RAP1GAP2: variants seen among roughly 807,000 people sequenced by gnomAD.
The protein encoded by RAP1GAP2 is rap1 GTPase-activating protein 2.
RAP1GAP2 carries 27 observed loss-of-function variants against 95.0 expected under a neutral mutation model. The observed-to-expected ratio is 0.28, with a 90% CI of 0.21 to 0.39. The LOEUF is 0.39. Ranked by LOEUF, RAP1GAP2 falls within the 10% of genes least tolerant of loss-of-function variation. The probability of loss-of-function intolerance (pLI) is 1.00; values close to 1 mark genes in which losing one functional copy is unlikely to be tolerated. For missense variants in RAP1GAP2, 771 were observed against 970.0 expected (o/e 0.79, Z 2.72); for synonymous variants, 373 against 380.9 (o/e 0.98, Z 0.24).
At chr17:2,765,607 G>T (rs1330668239) in intron 1 of RAP1GAP2, among the ~76,000 whole-genome samples, 1 of 152,066 alleles carries the variant, frequency 6.6e-6, no homozygotes, top group Admixed American at 6.6e-5. Context: ...GCCGGGCATG[G>T]TGGTGGGCGC....
chr17:2,812,767 A>T (rs564648220), intron 2 of RAP1GAP2, among the ~76,000 whole-genome samples: 83 of 152,154 alleles, frequency 5.5e-4, no homozygotes, highest in African/African-American at 2.0e-3. Context: ...AGGTGGGTGG[A>T]TCACCTGAGG....
At chr17:2,884,365 T>C (rs764670565) in intron 2 of RAP1GAP2, among the ~76,000 whole-genome samples, 1 of 145,918 alleles carries the variant, frequency 6.9e-6, no homozygotes, top group Non-Finnish European at 1.5e-5. Flanking sequence ...GTCAGAGTTC[T>C]TGAGTTGTTT....
At chr17:2,876,447 A>G (rs1488854411) in intron 2 of RAP1GAP2, among the ~76,000 whole-genome samples, 1 of 152,154 alleles carries the variant, frequency 6.6e-6, no homozygotes, top group Non-Finnish European at 1.5e-5. Context: ...CTGGAAGGTT[A>G]GGACAACCAG....
intron 2 of RAP1GAP2, among the ~76,000 whole-genome samples, chr17:2,810,025 TC>T (rs1567668262): frequency 1.7e-5 from 1 of 59,514 alleles, no homozygotes; most frequent in Non-Finnish European, 3.5e-5. Context: ...GACCCTCCCC[TC>T]CCCCCGCCCC....
intron 3 of RAP1GAP2, among the ~76,000 whole-genome samples, chr17:2,921,581 G>A (rs1567780580): frequency 6.6e-6 from 1 of 152,080 alleles, no homozygotes; most frequent in Non-Finnish European, 1.5e-5. Flanking sequence ...GTGTCCGCAG[G>A]GCCTTTAAGG....
At position 2,935,201 on chromosome 17, in the gene RAP1GAP2, A is replaced by C. The variant is rs182525704; in HGVS notation, c.166-22558A>C. On this transcript the variant is annotated intron_variant, in intron 3 of 24. Coordinates refer to ENST00000254695, the MANE Select transcript of RAP1GAP2 (RefSeq NM_015085.5). The stretch of plus-strand genomic sequence containing the variant: ...AGTGCTTGCCTCACAGGTAGGCGTG[A>C]GGATCAGATAAAAGAACATATTCAG... Among the ~76,000 whole-genome samples the C allele has an allele frequency of 9.8e-4, 149 of 152,226 alleles. 1 individual carries two copies. The highest frequency in any genetic ancestry group is 3.2e-3 in the African/African-American group (131 of 41,530).
intron 10 of RAP1GAP2, among the ~76,000 whole-genome samples, chr17:2,983,188 T>G (rs2151543262): frequency 6.6e-6 from 1 of 151,928 alleles, no homozygotes; most frequent in South Asian, 2.1e-4. Context: ...GGTTTGTTCT[T>G]CCTCTCGCAT....
At chr17:2,946,342 T>C (rs1001435483) in intron 3 of RAP1GAP2, among the ~76,000 whole-genome samples, 3 of 152,162 alleles carry the variant, frequency 2.0e-5, no homozygotes, top group South Asian at 4.1e-4. Flanking sequence ...TGAGAAGGAC[T>C]GGTGTGAATT....
rs1436892890 is a variant in RAP1GAP2, at chr17:2,933,904, C to T, written c.166-23855C>T. 4.6e-5 allele frequency among the ~76,000 whole-genome samples: 7 copies of T among 152,360 alleles called. No homozygotes were observed. In the East Asian group the frequency reaches 7.7e-4, roughly 17 times the overall value. ...AAAGCCTGCCTTGGAGAGTCTGTGGCGTAGGAACCTTACGCCTTAACCAGC... is the reference window on the plus strand; with the variant it reads ...AAAGCCTGCCTTGGAGAGTCTGTGGTGTAGGAACCTTACGCCTTAACCAGC... On this transcript the variant is annotated intron_variant, in intron 3 of 24. Transcript: ENST00000254695.
chr17:2,820,450 G>T (rs1267205581), intron 2 of RAP1GAP2, among the ~76,000 whole-genome samples: 1 of 151,928 alleles, frequency 6.6e-6, no homozygotes, highest in East Asian at 2.0e-4. Flanking sequence ...GCAAAACCCC[G>T]TCTCTACTAA....
intron 1 of RAP1GAP2, among the ~76,000 whole-genome samples, chr17:2,783,903 G>T (rs983536670): frequency 2.0e-5 from 3 of 152,238 alleles, no homozygotes; most frequent in African/African-American, 7.2e-5. Context: ...CTTCCTCCCA[G>T]CATGGTGGCT....
At chr17:2,990,557 A>G (rs1226802593) in intron 11 of RAP1GAP2, among the ~76,000 whole-genome samples, 1 of 152,130 alleles carries the variant, frequency 6.6e-6, no homozygotes, top group Non-Finnish European at 1.5e-5. Context: ...GCCGGATCAT[A>G]TGGTGACTCT....
At chr17:2,879,843 T>C (rs570888150) in intron 2 of RAP1GAP2, among the ~76,000 whole-genome samples, 1 of 152,244 alleles carries the variant, frequency 6.6e-6, no homozygotes, top group Non-Finnish European at 1.5e-5. Context: ...TGTCCATTAC[T>C]TTTTTCCTCC....
At chr17:2,844,994 C>T (rs1034850632) in intron 2 of RAP1GAP2, among the ~76,000 whole-genome samples, 2 of 152,122 alleles carry the variant, frequency 1.3e-5, no homozygotes, top group African/African-American at 4.8e-5. Flanking sequence ...CGGGGTGGTC[C>T]CCAGGAGGTT....
At chr17:2,984,081 T>C (rs2045467082) in intron 10 of RAP1GAP2, among the ~76,000 whole-genome samples, 1 of 152,244 alleles carries the variant, frequency 6.6e-6, no homozygotes, top group Non-Finnish European at 1.5e-5. Context: ...CTGGGCGTGG[T>C]AGCTCATGCC....
chr17:3,028,157 G>A (rs893861080), intron 22 of RAP1GAP2, among the ~76,000 whole-genome samples: 4 of 152,052 alleles, frequency 2.6e-5, no homozygotes, highest in South Asian at 4.2e-4. Context: ...GGGAAGAGTC[G>A]TGTCTGCCTC....
chr17:2,963,271 A>T lies in RAP1GAP2; in HGVS notation c.247-159A>T. ...GTCAGTTTGGAGAAGAACATGGGGG[A>T]TGTTAGATTCCAGAGCTGATTCTGA... On this transcript the variant is annotated intron_variant, in intron 5 of 24. Transcript: ENST00000254695. This position sits in a 1 kb window ranked among gnomAD's most constrained non-coding sequence, Gnocchi z 4.8. The T allele has an allele frequency of 1.2e-6, 1 of 800,150 alleles. No individual in the cohort carries two copies. Among genetic ancestry groups the T allele is most frequent in the Non-Finnish European group, 2.1e-6 (1 of 467,244 alleles). 49.6% of individuals were successfully genotyped at this position (800,150 alleles called of 1,614,324 possible).
In RAP1GAP2 at chr17:3,030,953, C is replaced by T. The variant is rs773575220; in HGVS notation, c.2139C>T (p.Asn713=). The T allele has an allele frequency of 6.2e-6, 10 of 1,611,408 alleles. No homozygotes were observed. Among genetic ancestry groups the T allele is most frequent in the Non-Finnish European group, 8.5e-6 (10 of 1,178,934 alleles). ...DAKSRNSPRS[N]LKFRFDKLSH... Reference sequence around the variant, plus strand: ...AAAGCAGAAACTCCCCGAGATCGAACCTGAAATTCCGCTTTGACAAGCTCA... The same window carrying T: ...AAAGCAGAAACTCCCCGAGATCGAATCTGAAATTCCGCTTTGACAAGCTCA... The change falls in exon 23 of 25, where the codon AAC becomes AAT. Residue 713 remains asparagine (N), a synonymous_variant. Coordinates refer to ENST00000254695, the MANE Select transcript of RAP1GAP2 (RefSeq NM_015085.5).
intron 2 of RAP1GAP2, among the ~76,000 whole-genome samples, chr17:2,834,423 C>T (rs1466434412): frequency 6.6e-6 from 1 of 152,194 alleles, no homozygotes; most frequent in Non-Finnish European, 1.5e-5. Context: ...TAGAGTCTGG[C>T]AGTTGGGTGG....
Sources: gnomAD v4.1 joint callset for allele counts (sites outside exome capture counted in the v4.1 genomes callset) on GRCh38, gnomAD v4.1.1 for gene constraint, Gnocchi (gnomAD v3.1) non-coding constraint, MANE v1.5 for transcripts, NCBI Gene and HGNC (gene_info 2026-07-23, HGNC 2026-07-21) for gene names.